Variants in PPP1R9A observed in about 807,000 individuals in gnomAD.
PPP1R9A encodes neurabin-1.
Under a neutral mutation model 141.9 loss-of-function variants are expected in PPP1R9A, and 59 were observed. That is an observed-to-expected ratio of 0.42 (90% CI 0.34 to 0.52). PPP1R9A has a LOEUF of 0.52. Ranked by LOEUF, PPP1R9A falls within the 20% of genes least tolerant of loss-of-function variation. The probability of loss-of-function intolerance (pLI) is 0.10; values close to 1 mark genes in which losing one functional copy is unlikely to be tolerated. For synonymous variants in PPP1R9A, 500 were observed against 569.7 expected, an observed-to-expected ratio of 0.88 and a Z score of 1.74; for missense variants, 1,444 against 1,611.9, an observed-to-expected ratio of 0.90 and a Z score of 1.78.
chr7:94,908,000 G>C (rs1168146073), intron 1 of PPP1R9A: 2 of 149,188 alleles, frequency 1.3e-5, no homozygotes, highest in Non-Finnish European at 3.0e-5. Context: ...GCGCTGCGCC[G>C]TGAGGAGCGG....
At chr7:94,983,870 GAA>G (rs1234811036) in intron 2 of PPP1R9A, among the ~76,000 whole-genome samples, 1 of 152,138 alleles carries the variant, frequency 6.6e-6, no homozygotes, top group Non-Finnish European at 1.5e-5. Flanking sequence ...ACACTATGTT[GAA>G]TAGGAGTGGT....
intron 2 of PPP1R9A, among the ~76,000 whole-genome samples, chr7:95,095,376 C>A (rs1358907673): frequency 6.6e-6 from 1 of 152,090 alleles, no homozygotes; most frequent in South Asian, 2.1e-4. Context: ...GGTCAGTGAT[C>A]CCCAGATTTG....
At chr7:94,939,514 A>G (rs1374846943) in intron 2 of PPP1R9A, among the ~76,000 whole-genome samples, 2 of 152,010 alleles carry the variant, frequency 1.3e-5, no homozygotes, top group Non-Finnish European at 2.9e-5. Context: ...AATCCAATAT[A>G]GATTTTTCAT....
intron 2 of PPP1R9A, among the ~76,000 whole-genome samples, chr7:95,038,873 G>A (rs1338347805): frequency 6.6e-6 from 1 of 152,104 alleles, no homozygotes; most frequent in South Asian, 2.1e-4. Flanking sequence ...TCCCTCCGAG[G>A]AAGAGTACTT....
chr7:95,241,580 G>C (rs181778235), intron 8 of PPP1R9A, among the ~76,000 whole-genome samples: 1 of 152,122 alleles, frequency 6.6e-6, no homozygotes, highest in Non-Finnish European at 1.5e-5. Context: ...GGCGAGGCTG[G>C]CTCAGGAACT....
At chr7:95,157,410 G>T (rs1174658395) in intron 4 of PPP1R9A, among the ~76,000 whole-genome samples, 3 of 152,156 alleles carry the variant, frequency 2.0e-5, no homozygotes, top group Admixed American at 2.0e-4. Context: ...TCCCAGGAGG[G>T]TTAGGCTCCT....
rs1340439382 is a variant in PPP1R9A at position 94,917,064 on chromosome 7, C to T, written c.1395+5556C>T. Among the ~76,000 whole-genome samples, 5 of 152,168 alleles carry T rather than the reference C, an allele frequency of 3.3e-5. No homozygotes were observed. In the East Asian group the frequency reaches 7.7e-4, roughly 23 times the overall value. ...CTCCTGACCTCAAGTGATCTGACCG[C>T]GTTGGCCTCCCAAAGTGCTGAGATT... On this transcript the variant is annotated intron_variant, in intron 2 of 19. Transcript: ENST00000433360.
intron 2 of PPP1R9A, among the ~76,000 whole-genome samples, chr7:94,951,352 C>A: frequency 6.6e-6 from 1 of 151,624 alleles, no homozygotes; most frequent in African/African-American, 2.4e-5. Context: ...TTATATATGG[C>A]ATTTGGTGTT....
intron 2 of PPP1R9A, among the ~76,000 whole-genome samples, chr7:95,003,047 A>G (rs1469395839): frequency 6.6e-6 from 1 of 152,190 alleles, no homozygotes; most frequent in Admixed American, 6.6e-5. Flanking sequence ...TGTAAAGGAT[A>G]AGTCTTAAAG....
intron 6 of PPP1R9A, among the ~76,000 whole-genome samples, chr7:95,200,247 A>C (rs1789246869): frequency 6.6e-6 from 1 of 151,724 alleles, no homozygotes; most frequent in Non-Finnish European, 1.5e-5. Context: ...TTCATCCCCA[A>C]AAGTTGATAT....
intron 4 of PPP1R9A, among the ~76,000 whole-genome samples, chr7:95,153,342 A>G (rs922954845): frequency 1.3e-5 from 2 of 152,310 alleles, no homozygotes; most frequent in African/African-American, 4.8e-5. Flanking sequence ...AGAGGACACT[A>G]AAAAATGTAA....
chr7:95,189,516 A>G lies in PPP1R9A; in HGVS notation c.1755-8833A>G, dbSNP rs1835163071. 2.2e-5 allele frequency among the ~76,000 whole-genome samples: 3 copies of G among 138,166 alleles called. No individual in the cohort carries two copies. The Admixed American group carries it at 2.3e-4, about 11-fold the overall frequency. The allele number at this position is 138,166 out of a possible 152,430, so 90.6% of individuals were successfully genotyped here. The stretch of plus-strand genomic sequence containing the variant: ...CAGTGGCGGGATCTCGGCTCACTGC[A>G]AGCTCCGCCTCCCGGGTTCACGCCA... On this transcript the variant is annotated intron_variant, in intron 5 of 19. Transcript: ENST00000433360.
At chr7:95,289,176 T>G (rs553123183) in intron 19 of PPP1R9A, among the ~76,000 whole-genome samples, 18 of 152,270 alleles carry the variant, frequency 1.2e-4, no homozygotes, top group Middle Eastern at 3.4e-3. Context: ...TCCCCAAATA[T>G]GTACACACAT....
At chr7:95,223,083 ATAATAAG>A (rs1468084309) in intron 7 of PPP1R9A, among the ~76,000 whole-genome samples, 1 of 152,050 alleles carries the variant, frequency 6.6e-6, no homozygotes, top group East Asian at 1.9e-4. Flanking sequence ...TCCTTAGCCT[ATAATAAG>A]TAATAAGTAG....
rs748313142 is a variant in PPP1R9A, at chr7:95,295,882, A to T, written c.*5579A>T. The T allele has an allele frequency of 1.3e-5, 2 of 152,680 alleles. No individual in the cohort carries two copies. Among genetic ancestry groups the T allele is most frequent in the Admixed American group, 6.5e-5 (1 of 15,280 alleles). The allele number at this position is 152,680 out of a possible 1,614,324, so 9.5% of individuals were successfully genotyped here. The stretch of plus-strand genomic sequence containing the variant: ...GTATATGTTTTCTTCAACATTATTT[A>T]ATATAACTACTGCTTTTATATTTTT... On this transcript the variant is annotated 3_prime_UTR_variant, in exon 20 of 20. Transcript: ENST00000433360.
chr7:94,990,384 C>A (rs1167560927), intron 2 of PPP1R9A, among the ~76,000 whole-genome samples: 1 of 152,058 alleles, frequency 6.6e-6, no homozygotes, highest in Non-Finnish European at 1.5e-5. Context: ...AAACATTAAA[C>A]AAGTGTGTGC....
intron 2 of PPP1R9A, among the ~76,000 whole-genome samples, chr7:94,980,341 C>T (rs781362100): frequency 3.3e-5 from 5 of 151,966 alleles, no homozygotes; most frequent in African/African-American, 7.3e-5. Flanking sequence ...CATTTATGTG[C>T]GTGTGTGTGT....
chr7:95,044,533 CTA>C (rs1401657465), intron 2 of PPP1R9A, among the ~76,000 whole-genome samples: 2 of 143,772 alleles, frequency 1.4e-5, no homozygotes, highest in Non-Finnish European at 3.0e-5. Context: ...ATATTATTAA[CTA>C]TTTTTTTCAG....
intron 2 of PPP1R9A, among the ~76,000 whole-genome samples, chr7:95,041,045 C>T (rs1809157288): frequency 6.6e-6 from 1 of 152,074 alleles, no homozygotes; most frequent in Non-Finnish European, 1.5e-5. Flanking sequence ...CAGAAATATC[C>T]ACTTTGTATC....
Sources: gnomAD v4.1 joint callset for allele counts (sites outside exome capture counted in the v4.1 genomes callset) on GRCh38, gnomAD v4.1.1 for gene constraint, MANE v1.5 for transcripts, NCBI Gene and HGNC (gene_info 2026-07-23, HGNC 2026-07-21) for gene names.